The following ALDH1A1 variants were observed in gnomAD, a reference collection of about 807,000 sequenced individuals.
ALDH1A1 encodes the protein aldehyde dehydrogenase 1 family member A1, also known as aldehyde dehydrogenase 1A1.
Under a neutral mutation model 62.1 loss-of-function variants are expected in ALDH1A1, and 19 were observed. The ratio of observed to expected loss-of-function variants is 0.31; its 90% CI spans 0.21 to 0.45. The LOEUF (loss-of-function observed/expected upper bound fraction) is 0.45, where lower values mean the gene tolerates loss of function less well. Among genes scored for constraint, ALDH1A1 ranks in the 20% least tolerant of loss-of-function variants. ALDH1A1 has a pLI of 1.00. For synonymous variants in ALDH1A1, 231 were observed against 215.9 expected (o/e 1.07, Z -0.61); for missense variants, 521 against 607.1 (o/e 0.86, Z 1.49).
chr9:72,909,639 T>A lies in ALDH1A1; in HGVS notation c.1321A>T (p.Ile441Leu). 1 of 1,614,068 alleles carries A rather than the reference T, an allele frequency of 6.2e-7. No homozygotes were observed. Among genetic ancestry groups the A allele is most frequent in the Non-Finnish European group, 8.5e-7 (1 of 1,179,958 alleles). The change falls in exon 11 of 13, where the codon ATA (isoleucine) becomes TTA (leucine). Residue 441 changes from isoleucine to leucine, a missense_variant. Ile to Leu is a conservative substitution (Grantham distance 5). Transcript: ENST00000297785. ...GCCTGCAGAGCAGAGGAGATTGTTA[T>A]GGCTTTATCAATGTCTTTGGTAAAC... ...GVFTKDIDKA[I>L]TISSALQAGT...
At chr9:72,940,000 A>G (rs569300790) in intron 2 of ALDH1A1, 148 bp downstream of exon 2, 1 of 556,558 alleles carries the variant, frequency 1.8e-6, no homozygotes, top group Non-Finnish European at 3.2e-6. Flanking sequence ...TTTTGGTAAC[A>G]AGGACAACTT....
chr9:72,910,204 T>A (rs1185368205), intron 10 of ALDH1A1, among the ~76,000 whole-genome samples: 2 of 152,170 alleles, frequency 1.3e-5, no homozygotes, highest in South Asian at 2.1e-4. Context: ...GATAAATGAA[T>A]AGGCAATGAT....
chr9:72,945,130 A>T (rs1017950477), intron 1 of ALDH1A1, among the ~76,000 whole-genome samples: 3 of 152,148 alleles, frequency 2.0e-5, no homozygotes, highest in African/African-American at 7.2e-5. Context: ...TGTATTGTGT[A>T]TAAATCTACA....
chr9:72,939,029 C>T (rs1830382016), intron 2 of ALDH1A1, among the ~76,000 whole-genome samples: 3 of 152,102 alleles, frequency 2.0e-5, no homozygotes, highest in Admixed American at 2.0e-4. Flanking sequence ...AGGTGAGAGC[C>T]ACTGCGCCCG....
intron 11 of ALDH1A1, among the ~76,000 whole-genome samples, chr9:72,906,639 T>C (rs1829881733): frequency 6.6e-6 from 1 of 152,128 alleles, no homozygotes; most frequent in Non-Finnish European, 1.5e-5. Context: ...ATAGTAGTAA[T>C]TAGAATCCAA....
intron 5 of ALDH1A1, among the ~76,000 whole-genome samples, chr9:72,925,918 G>C (rs910601475): frequency 1.3e-5 from 2 of 152,054 alleles, no homozygotes; most frequent in African/African-American, 4.8e-5. Flanking sequence ...GGAGCACACT[G>C]TAAGTTATCT....
At chr9:72,939,405 GAAT>G (rs770418715) in intron 2 of ALDH1A1, among the ~76,000 whole-genome samples, 4 of 152,006 alleles carry the variant, frequency 2.6e-5, no homozygotes, top group African/African-American at 7.3e-5. Flanking sequence ...TACAGGTGTT[GAAT>G]AATAATATTA....
intron 2 of ALDH1A1, among the ~76,000 whole-genome samples, chr9:72,938,774 C>T (rs1360393990): frequency 6.7e-6 from 1 of 150,354 alleles, no homozygotes. Flanking sequence ...TGGAGCTTCA[C>T]TCTTGTTGCC....
At chr9:72,918,606 G>C (rs956722155) in intron 8 of ALDH1A1, 114 bp downstream of exon 8, 86 of 653,088 alleles carry the variant, frequency 1.3e-4, no homozygotes, top group Non-Finnish European at 1.9e-4. Flanking sequence ...GATGTTAGAA[G>C]CAAATGCTTT....
chr9:72,924,333 A>G (rs565821975), intron 6 of ALDH1A1, among the ~76,000 whole-genome samples: 1 of 152,308 alleles, frequency 6.6e-6, no homozygotes, highest in South Asian at 2.1e-4. Flanking sequence ...TTGCATTATT[A>G]AAGGACAATT....
At position 72,911,967 on chromosome 9, in the gene ALDH1A1, G is replaced by A; in HGVS notation, c.1191C>T (p.Ala397=). The change falls in exon 10 of 13, where the codon GCC becomes GCT. Residue 397 remains alanine, a synonymous_variant. Coordinates refer to ENST00000297785, the MANE Select transcript of ALDH1A1 (RefSeq NM_000689.5). ...FSNVTDEMRI[A]KEEIFGPVQQ... ...GAATGAAGCCATTTACCTCCTCTTTGGCAATGCGCATCTCATCTGTAACAT... is the reference window on the plus strand; with the variant it reads ...GAATGAAGCCATTTACCTCCTCTTTAGCAATGCGCATCTCATCTGTAACAT... 6.2e-7 allele frequency: 1 copy of A among 1,613,862 alleles called. No homozygotes were observed. The highest frequency in any genetic ancestry group is 1.1e-5 in the South Asian group (1 of 91,068).
intron 4 of ALDH1A1, among the ~76,000 whole-genome samples, chr9:72,928,585 A>C (rs183645162): frequency 6.6e-6 from 1 of 152,248 alleles, no homozygotes; most frequent in Non-Finnish European, 1.5e-5. Flanking sequence ...AGCTTTAAAA[A>C]GTTTGGGACC....
At chr9:72,950,335 G>C (rs1002927843) in intron 1 of ALDH1A1, among the ~76,000 whole-genome samples, 1 of 151,834 alleles carries the variant, frequency 6.6e-6, no homozygotes, top group African/African-American at 2.4e-5. Flanking sequence ...TCATTTAAAG[G>C]CTCAATAAAA....
chr9:72,920,494 T>G (rs1000282660), intron 7 of ALDH1A1, among the ~76,000 whole-genome samples: 6 of 152,220 alleles, frequency 3.9e-5, no homozygotes, highest in Non-Finnish European at 8.8e-5. Context: ...TTTATTTGTT[T>G]AATTTAGGTT....
chr9:72,909,993 A>G (rs1169938847), intron 10 of ALDH1A1, among the ~76,000 whole-genome samples: 4 of 152,162 alleles, frequency 2.6e-5, no homozygotes, highest in Non-Finnish European at 5.9e-5. Flanking sequence ...AATTAAGGCA[A>G]TATTAAGTTT....
At chr9:72,910,105 G>A (rs1477182181) in intron 10 of ALDH1A1, among the ~76,000 whole-genome samples, 2 of 152,120 alleles carry the variant, frequency 1.3e-5, no homozygotes, top group African/African-American at 4.8e-5. Context: ...TCACTCTCTA[G>A]TTTTTCTTAT....
chr9:72,902,997 C>T (rs1039335085), intron 12 of ALDH1A1, among the ~76,000 whole-genome samples: 1 of 150,462 alleles, frequency 6.6e-6, no homozygotes, highest in African/African-American at 2.4e-5. Context: ...TACCACATTA[C>T]ATCTGATTTC....
chr9:72,931,601 C>T (rs1267737049), intron 2 of ALDH1A1, among the ~76,000 whole-genome samples: 1 of 152,196 alleles, frequency 6.6e-6, no homozygotes, highest in Non-Finnish European at 1.5e-5. Context: ...GGTGACTCAA[C>T]AGCCTGTCCA....
At chr9:72,910,392 T>C (rs1829967581) in intron 10 of ALDH1A1, among the ~76,000 whole-genome samples, 1 of 152,168 alleles carries the variant, frequency 6.6e-6, no homozygotes, top group Admixed American at 6.5e-5. Context: ...CAAACAGAAT[T>C]GTTCCTTACT....
Sources: allele counts gnomAD v4.1 joint callset (sites outside exome capture counted in the v4.1 genomes callset), GRCh38; gene constraint gnomAD v4.1.1; transcripts MANE v1.5; gene names NCBI Gene and HGNC (gene_info 2026-07-23, HGNC 2026-07-21).